ULK4: variants seen among roughly 807,000 people sequenced by gnomAD.
The protein encoded by ULK4 is unc-51 like kinase 4, also known as inactive serine/threonine-protein kinase ULK4.
In ULK4, 133 loss-of-function variants were observed where a neutral mutation model predicts 160.6. That is an observed-to-expected ratio of 0.83 (90% confidence interval 0.72 to 0.96). The LOEUF (loss-of-function observed/expected upper bound fraction) is 0.96, where lower values mean the gene tolerates loss of function less well. ULK4 is among the 40% of genes least tolerant of loss of function. ULK4 has a pLI of 0.00. For synonymous variants in ULK4, 534 were observed against 539.8 expected (o/e 0.99, Z 0.15); for missense variants, 1,580 against 1,499.5 (o/e 1.05, Z -0.89).
intron 30 of ULK4, among the ~76,000 whole-genome samples, chr3:41,649,226 G>GA (rs748426487): frequency 1.1e-4 from 17 of 152,234 alleles, no homozygotes; most frequent in Non-Finnish European, 2.5e-4. Flanking sequence ...AGGTATGGCT[G>GA]TGATGGCAGC....
At chr3:41,290,535 C>T (rs1184503320) in intron 35 of ULK4, among the ~76,000 whole-genome samples, 2 of 152,154 alleles carry the variant, frequency 1.3e-5, no homozygotes, top group African/African-American at 4.8e-5. Context: ...GCTTCCACCC[C>T]TCAATGATCC....
intron 34 of ULK4, among the ~76,000 whole-genome samples, chr3:41,430,420 C>A (rs780047063): frequency 5.3e-5 from 8 of 152,106 alleles, no homozygotes; most frequent in Non-Finnish European, 8.8e-5. Flanking sequence ...GACTTGGTTG[C>A]CCCAAAGTGC....
intron 2 of ULK4, among the ~76,000 whole-genome samples, chr3:41,953,042 G>A (rs2148843569): frequency 6.6e-6 from 1 of 151,890 alleles, no homozygotes; most frequent in Admixed American, 6.6e-5. Flanking sequence ...AGCTGGAGAA[G>A]GAGAAATGAA....
At chr3:41,615,533 A>C in intron 31 of ULK4, 136 bp downstream of exon 31, 1 of 712,992 alleles carries the variant, frequency 1.4e-6, no homozygotes, top group Non-Finnish European at 2.3e-6. Context: ...AAGTCCAAGG[A>C]GGTTAAGTGT....
intron 5 of ULK4, among the ~76,000 whole-genome samples, chr3:41,926,459 T>C (rs1699388199): frequency 6.6e-6 from 1 of 151,918 alleles, no homozygotes; most frequent in Non-Finnish European, 1.5e-5. Context: ...GGATCACAAC[T>C]CCTCGCCAGC....
At chr3:41,257,301 C>T (rs1449164336) in intron 35 of ULK4, among the ~76,000 whole-genome samples, 2 of 152,030 alleles carry the variant, frequency 1.3e-5, no homozygotes, top group Non-Finnish European at 2.9e-5. Flanking sequence ...CAAGATGGAA[C>T]AGTGCTTTGG....
intron 35 of ULK4, among the ~76,000 whole-genome samples, chr3:41,256,620 A>G (rs2078839470): frequency 6.6e-6 from 1 of 152,234 alleles, no homozygotes. Flanking sequence ...TAAAATGTAA[A>G]AACTATATAA....
chr3:41,476,511 T>C lies in ULK4; in HGVS notation c.3227-13258A>G, dbSNP rs540382858. On this transcript the variant is annotated intron_variant, in intron 32 of 36. Coordinates refer to ENST00000301831, the MANE Select transcript of ULK4 (RefSeq NM_017886.4). ...CAAGAGATCAAAATGTCAGTGGAGA[T>C]GGGTGTGTGGCTCTTTCTGTCTTCA... 3.3e-5 allele frequency among the ~76,000 whole-genome samples: 5 copies of C among 152,320 alleles called. No individual in the cohort carries two copies. The South Asian group carries it at 1.0e-3, about 32-fold the overall frequency.
At chr3:41,716,974 T>C (rs72864518) in intron 23 of ULK4, among the ~76,000 whole-genome samples, 2,402 of 152,240 alleles carry the variant, frequency 0.016, 64 homozygotes, top group African/African-American at 0.054. Context: ...TTTATTCTCA[T>C]TTATTGTGGG....
chr3:41,912,233 TAGG>T (rs1021888559), intron 9 of ULK4, among the ~76,000 whole-genome samples: 8 of 148,562 alleles, frequency 5.4e-5, no homozygotes, highest in Middle Eastern at 3.6e-3. Flanking sequence ...GAATCTGAGG[TAGG>T]AGGATCACCT....
chr3:41,488,575 T>C (rs1361854775), intron 32 of ULK4, among the ~76,000 whole-genome samples: 1 of 152,200 alleles, frequency 6.6e-6, no homozygotes, highest in Non-Finnish European at 1.5e-5. Flanking sequence ...TGCAAAGAAT[T>C]AAAAAGAAGT....
intron 8 of ULK4, chr3:41,914,798 G>C (rs190063972): frequency 1.3e-5 from 2 of 152,216 alleles, no homozygotes; most frequent in Non-Finnish European, 2.9e-5. Context: ...AGGCGGAACT[G>C]CTTGAGGCCA....
At chr3:41,354,665 A>G (rs2080992906) in intron 35 of ULK4, among the ~76,000 whole-genome samples, 1 of 152,194 alleles carries the variant, frequency 6.6e-6, no homozygotes, top group South Asian at 2.1e-4. Flanking sequence ...AAGCCAGGTT[A>G]CAAAAGTGTC....
intron 32 of ULK4, among the ~76,000 whole-genome samples, chr3:41,495,921 T>C (rs4973881): frequency 0.41 from 62,441 of 151,844 alleles, 13,020 homozygotes; most frequent in African/African-American, 0.44. Context: ...CTTTTAAAAC[T>C]TTGAGTTGAG....
chr3:41,574,528 C>CTTTTTTTTTT (rs1559406622), intron 31 of ULK4, among the ~76,000 whole-genome samples: 1 of 106,284 alleles, frequency 9.4e-6, no homozygotes. Flanking sequence ...CTACCAGAGT[C>CTTTTTTTTTT]CTCTTTTTTT....
intron 21 of ULK4, among the ~76,000 whole-genome samples, chr3:41,759,068 A>G (rs1197009921): frequency 6.6e-6 from 1 of 152,198 alleles, no homozygotes; most frequent in Non-Finnish European, 1.5e-5. Flanking sequence ...AAAAACCTAC[A>G]GCTAACATCA....
chr3:41,433,413 T>C (rs2082959056), intron 34 of ULK4, among the ~76,000 whole-genome samples: 1 of 152,162 alleles, frequency 6.6e-6, no homozygotes, highest in Non-Finnish European at 1.5e-5. Flanking sequence ...GGGAGAGCAG[T>C]TTGGCAATCT....
intron 31 of ULK4, among the ~76,000 whole-genome samples, chr3:41,609,098 T>C (rs1037872817): frequency 6.6e-6 from 1 of 152,208 alleles, no homozygotes; most frequent in African/African-American, 2.4e-5. Context: ...ACATTCTTAA[T>C]ATGTAACCTG....
At chr3:41,267,683 TAG>T (rs903714604) in intron 35 of ULK4, among the ~76,000 whole-genome samples, 1 of 152,170 alleles carries the variant, frequency 6.6e-6, no homozygotes, top group African/African-American at 2.4e-5. Context: ...GCATGACTCT[TAG>T]AGCCTAATTT....
Sources: allele counts gnomAD v4.1 joint callset (sites outside exome capture counted in the v4.1 genomes callset), GRCh38; gene constraint gnomAD v4.1.1; transcripts MANE v1.5; gene names NCBI Gene and HGNC (gene_info 2026-07-23, HGNC 2026-07-21).